DOCK3: variants seen among roughly 807,000 people sequenced by gnomAD.
DOCK3 encodes dedicator of cytokinesis protein 3.
In DOCK3, 60 loss-of-function variants were observed where a neutral mutation model predicts 265.6. The observed-to-expected ratio is 0.23, with a 90% CI of 0.18 to 0.28. The LOEUF (loss-of-function observed/expected upper bound fraction) is 0.28, where lower values mean the gene tolerates loss of function less well. Among genes scored for constraint, DOCK3 ranks in the 10% least tolerant of loss-of-function variants. The pLI is 1.00. For synonymous variants in DOCK3, 881 were observed against 938.0 expected (o/e 0.94, Z 1.11); for missense variants, 1,981 against 2,594.3 (o/e 0.76, Z 5.14).
At chr3:51,125,574 A>T (rs1177578663) in intron 9 of DOCK3, among the ~76,000 whole-genome samples, 1 of 152,212 alleles carries the variant, frequency 6.6e-6, no homozygotes, top group Non-Finnish European at 1.5e-5. Context: ...TGCCTCATTG[A>T]GGCACAGAAA....
chr3:51,168,471 G>A (rs535467689), intron 12 of DOCK3, among the ~76,000 whole-genome samples: 22 of 152,310 alleles, frequency 1.4e-4, no homozygotes, highest in African/African-American at 5.1e-4. Context: ...CAACAAAGCT[G>A]ACGAAAGCAA....
intron 4 of DOCK3, among the ~76,000 whole-genome samples, chr3:50,926,440 A>G (rs750464233): frequency 4.6e-5 from 7 of 152,158 alleles, no homozygotes; most frequent in Admixed American, 6.5e-5. Context: ...TTCTTGGTCT[A>G]TTTACCAAAG....
At chr3:51,017,001 C>G (rs1378589879) in intron 5 of DOCK3, among the ~76,000 whole-genome samples, 1 of 134,246 alleles carries the variant, frequency 7.4e-6, no homozygotes, top group African/African-American at 2.8e-5. Context: ...GTAGTAAAAC[C>G]ATTGAGTGTC....
At chr3:50,725,212 C>A (rs1559555387) in intron 1 of DOCK3, among the ~76,000 whole-genome samples, 1 of 151,818 alleles carries the variant, frequency 6.6e-6, no homozygotes, top group Non-Finnish European at 1.5e-5. Context: ...ATATAAAGGA[C>A]AAATATGACA....
chr3:50,816,617 G>C (rs1164482427), intron 2 of DOCK3, among the ~76,000 whole-genome samples: 3 of 151,862 alleles, frequency 2.0e-5, no homozygotes, highest in African/African-American at 4.8e-5. Flanking sequence ...CACTGTGCCC[G>C]GCCTCTCTTA....
chr3:51,333,083 G>A (rs894283972), intron 34 of DOCK3, 56 bp downstream of exon 34: 7 of 1,613,764 alleles, frequency 4.3e-6, no homozygotes, highest in South Asian at 1.1e-5. Flanking sequence ...GCCTCCATGG[G>A]CTCTTGGACT....
intron 12 of DOCK3, among the ~76,000 whole-genome samples, chr3:51,196,136 A>C: frequency 6.7e-6 from 1 of 148,664 alleles, no homozygotes; most frequent in East Asian, 2.0e-4. Flanking sequence ...GGTTCTTGTC[A>C]TGCTGCGTAG....
At chr3:51,200,378 A>G (rs1387588775) in intron 12 of DOCK3, among the ~76,000 whole-genome samples, 4 of 147,780 alleles carry the variant, frequency 2.7e-5, no homozygotes, top group Non-Finnish European at 4.5e-5. Context: ...GAACAACGTG[A>G]AGAATGCAGA....
chr3:50,884,226 G>T (rs917729149), intron 3 of DOCK3, among the ~76,000 whole-genome samples: 3 of 151,970 alleles, frequency 2.0e-5, no homozygotes, highest in Non-Finnish European at 4.4e-5. Flanking sequence ...GATTAGCTAG[G>T]ATTACAGGCA....
At chr3:51,222,912 A>T (rs963410572) in intron 14 of DOCK3, among the ~76,000 whole-genome samples, 1 of 152,174 alleles carries the variant, frequency 6.6e-6, no homozygotes, top group African/African-American at 2.4e-5. Context: ...TGTCATTAAC[A>T]ATCTCTAAGA....
intron 7 of DOCK3, among the ~76,000 whole-genome samples, chr3:51,079,117 T>C (rs2082143332): frequency 6.6e-6 from 1 of 152,208 alleles, no homozygotes; most frequent in Non-Finnish European, 1.5e-5. Context: ...TACTGGAAAT[T>C]ATGAAGACTT....
intron 27 of DOCK3, among the ~76,000 whole-genome samples, chr3:51,309,363 C>T (rs1254661070): frequency 6.6e-6 from 1 of 152,230 alleles, no homozygotes; most frequent in Admixed American, 6.5e-5. Flanking sequence ...TGGCGGATCA[C>T]TTGCGGTTAG....
intron 1 of DOCK3, among the ~76,000 whole-genome samples, chr3:50,734,249 C>G (rs2038418606): frequency 6.6e-6 from 1 of 152,154 alleles, no homozygotes; most frequent in Non-Finnish European, 1.5e-5. Context: ...TGACTCATGC[C>G]TGTAATCCCA....
intron 5 of DOCK3, among the ~76,000 whole-genome samples, chr3:50,969,664 C>T (rs1286946318): frequency 6.6e-6 from 1 of 152,104 alleles, no homozygotes; most frequent in Non-Finnish European, 1.5e-5. Flanking sequence ...TGTTTTAGTA[C>T]TGATCTAGTG....
At chr3:51,075,325 G>A (rs2082021646) in intron 6 of DOCK3, 31 bp from the exon 7 acceptor site, 1 of 1,570,474 alleles carries the variant, frequency 6.4e-7, no homozygotes, top group Admixed American at 1.8e-5. Flanking sequence ...TGAGTACATG[G>A]CATACTGAGT....
rs780741182 is a variant in DOCK3 at position 51,225,779 on chromosome 3, G to T, written c.1377+6G>T. On this transcript the variant is annotated splice_donor_region_variant and intron_variant, in intron 15 of 52. Coordinates refer to ENST00000266037, the MANE Select transcript of DOCK3 (RefSeq NM_004947.5). Reference sequence around the variant, plus strand: ...CAGATGGAGAAATCTTGAAGGTAAGGCTTGCCAGTCAGTCATTTGGGTTGG... The same window carrying T: ...CAGATGGAGAAATCTTGAAGGTAAGTCTTGCCAGTCAGTCATTTGGGTTGG... The T allele has an allele frequency of 8.1e-6, 13 of 1,609,034 alleles. No homozygotes were observed. The highest frequency in any genetic ancestry group is 1.0e-5 in the Non-Finnish European group (12 of 1,177,558).
intron 14 of DOCK3, among the ~76,000 whole-genome samples, chr3:51,218,792 C>T (rs2089935724): frequency 6.6e-6 from 1 of 152,122 alleles, no homozygotes; most frequent in Non-Finnish European, 1.5e-5. Flanking sequence ...GCAGTGGTTG[C>T]CGAACCTCAG....
At chr3:50,977,372 G>T (rs1283613912) in intron 5 of DOCK3, among the ~76,000 whole-genome samples, 1 of 152,080 alleles carries the variant, frequency 6.6e-6, no homozygotes. Flanking sequence ...TTGCTTGTCT[G>T]TAAAGTATTG....
chr3:51,221,548 A>G (rs2090098913), intron 14 of DOCK3, among the ~76,000 whole-genome samples: 1 of 152,250 alleles, frequency 6.6e-6, no homozygotes, highest in East Asian at 1.9e-4. Context: ...GTCAACTCCA[A>G]TAAACCTAAG....
Sources: gnomAD v4.1 joint callset for allele counts (sites outside exome capture counted in the v4.1 genomes callset) on GRCh38, gnomAD v4.1.1 for gene constraint, MANE v1.5 for transcripts, NCBI Gene and HGNC (gene_info 2026-07-23, HGNC 2026-07-21) for gene names.